Variants in PRKG1 observed in about 807,000 individuals in gnomAD.
The protein encoded by PRKG1 is cGMP-dependent protein kinase 1.
In PRKG1, 35 loss-of-function variants were observed where a neutral mutation model predicts 88.1. That is an observed-to-expected ratio of 0.40 (90% CI 0.30 to 0.53). PRKG1 has a LOEUF of 0.53. Ranked by LOEUF, PRKG1 falls within the 20% of genes least tolerant of loss-of-function variation. The pLI is 0.59. For missense variants in PRKG1, 540 were observed against 839.8 expected (o/e 0.64, Z 4.41); for synonymous variants, 303 against 292.5 (o/e 1.04, Z -0.37).
At chr10:52,263,108 T>A (rs556653683) in intron 10 of PRKG1, among the ~76,000 whole-genome samples, 1 of 152,100 alleles carries the variant, frequency 6.6e-6, no homozygotes, top group South Asian at 2.1e-4. Flanking sequence ...TGATCCTAAT[T>A]TTTTAAAAAA....
intron 3 of PRKG1, among the ~76,000 whole-genome samples, chr10:51,689,679 G>GT (rs1375658750): frequency 6.6e-6 from 1 of 152,188 alleles, no homozygotes; most frequent in Non-Finnish European, 1.5e-5. Context: ...TTTGTCTGTG[G>GT]TTTCCCAGGT....
At chr10:51,953,317 A>G (rs1843228243) in intron 5 of PRKG1, among the ~76,000 whole-genome samples, 1 of 152,226 alleles carries the variant, frequency 6.6e-6, no homozygotes, top group Non-Finnish European at 1.5e-5. Flanking sequence ...AGAAATGTCA[A>G]TGTAGAGGTA....
At chr10:51,661,924 G>A (rs971031402) in intron 3 of PRKG1, among the ~76,000 whole-genome samples, 7 of 152,162 alleles carry the variant, frequency 4.6e-5, no homozygotes, top group African/African-American at 1.4e-4. Context: ...CACATCCTTT[G>A]TAGGGACATG....
intron 3 of PRKG1, among the ~76,000 whole-genome samples, chr10:51,772,853 C>T (rs1838340619): frequency 6.6e-6 from 1 of 151,946 alleles, no homozygotes; most frequent in African/African-American, 2.4e-5. Flanking sequence ...CTAAAACTTC[C>T]TTTTCTCAGT....
intron 2 of PRKG1, among the ~76,000 whole-genome samples, chr10:51,286,539 A>G (rs1003960267): frequency 6.6e-6 from 1 of 152,132 alleles, no homozygotes; most frequent in South Asian, 2.1e-4. Context: ...TCTTAGCTGT[A>G]TGTTCACTCT....
In PRKG1 at chr10:51,500,769, G is replaced by A. The variant is rs139979865; in HGVS notation, c.592+32933G>A. ...GGTCCTGGAGGAGCTATCAATTAAG[G>A]TGTTGCCATCCCCAAAGGGTAGGCA... is the stretch of plus-strand genomic sequence containing the variant. On this transcript the variant is annotated intron_variant, in intron 3 of 17. Coordinates refer to ENST00000373980, the MANE Select transcript of PRKG1 (RefSeq NM_006258.4). 6.2e-3 allele frequency among the ~76,000 whole-genome samples: 942 copies of A among 152,194 alleles called. 9 individuals carry two copies. The highest frequency in any genetic ancestry group is 0.021 in the African/African-American group (879 of 41,528).
chr10:52,023,336 T>A (rs1845238856), intron 5 of PRKG1, among the ~76,000 whole-genome samples: 1 of 152,236 alleles, frequency 6.6e-6, no homozygotes, highest in South Asian at 2.1e-4. Context: ...TTGGGTTGGT[T>A]CCAAGTCTTT....
At chr10:52,210,000 C>A (rs934452689) in intron 9 of PRKG1, among the ~76,000 whole-genome samples, 5 of 152,118 alleles carry the variant, frequency 3.3e-5, no homozygotes, top group African/African-American at 1.2e-4. Context: ...TAATGCGGTA[C>A]CTTAAGATTC....
chr10:51,130,236 G>A (rs1446906443), intron 1 of PRKG1, among the ~76,000 whole-genome samples: 1 of 152,050 alleles, frequency 6.6e-6, no homozygotes, highest in Non-Finnish European at 1.5e-5. Context: ...TTAGAGAATG[G>A]CTTCCCTTTC....
At chr10:51,401,953 A>T (rs551029221) in intron 2 of PRKG1, among the ~76,000 whole-genome samples, 27 of 152,302 alleles carry the variant, frequency 1.8e-4, no homozygotes, top group African/African-American at 6.5e-4. Flanking sequence ...TTCCTCCTGC[A>T]AAAAATGCTG....
At chr10:51,310,392 G>A (rs1415164131) in intron 2 of PRKG1, among the ~76,000 whole-genome samples, 6 of 152,166 alleles carry the variant, frequency 3.9e-5, no homozygotes, top group African/African-American at 1.4e-4. Flanking sequence ...GGAGGATATA[G>A]ACATGAATAA....
intron 16 of PRKG1, among the ~76,000 whole-genome samples, chr10:52,289,784 T>C (rs1291185521): frequency 1.3e-5 from 2 of 152,148 alleles, no homozygotes; most frequent in African/African-American, 4.8e-5. Context: ...ATGACAATGA[T>C]GTGAAAAGGT....
chr10:51,996,654 T>C (rs1844451040), intron 5 of PRKG1, among the ~76,000 whole-genome samples: 1 of 152,080 alleles, frequency 6.6e-6, no homozygotes, highest in Non-Finnish European at 1.5e-5. Context: ...CAAAGATGCA[T>C]AGAAAAGGGA....
chr10:51,624,937 T>C (rs544180137), intron 3 of PRKG1, among the ~76,000 whole-genome samples: 6 of 152,340 alleles, frequency 3.9e-5, no homozygotes, highest in African/African-American at 1.4e-4. Flanking sequence ...GATTGGTTAA[T>C]GCATACAAAG....
At chr10:51,639,436 CAAAAAAAAAAAAAAAAAAAAAAAAAA>C (rs769304908) in intron 3 of PRKG1, among the ~76,000 whole-genome samples, 6 of 31,796 alleles carry the variant, frequency 1.9e-4, no homozygotes, top group African/African-American at 3.7e-4. Flanking sequence ...GACTCCATCT[CAAAAAAAAAAAAAAAAAAAAAAAAAA>C]AAAAAAAAAA....
At chr10:51,425,366 A>G (rs1443461259) in intron 2 of PRKG1, among the ~76,000 whole-genome samples, 1 of 152,178 alleles carries the variant, frequency 6.6e-6, no homozygotes, top group Non-Finnish European at 1.5e-5. Flanking sequence ...TGTAACTACC[A>G]CTATCTATTA....
intron 7 of PRKG1, 42 bp from the exon 8 acceptor site, chr10:52,133,798 A>G (rs1262353640): frequency 1.3e-6 from 2 of 1,532,594 alleles, no homozygotes; most frequent in South Asian, 2.3e-5. Flanking sequence ...GTGCTTTGAT[A>G]TTAAAGGTTA....
At chr10:51,929,804 G>A (rs775992479) in intron 5 of PRKG1, among the ~76,000 whole-genome samples, 3 of 152,046 alleles carry the variant, frequency 2.0e-5, no homozygotes, top group Non-Finnish European at 2.9e-5. Flanking sequence ...AAGATTTTTT[G>A]ACTTTTGTTA....
At chr10:52,104,736 A>C (rs1406203444) in intron 7 of PRKG1, among the ~76,000 whole-genome samples, 1 of 152,170 alleles carries the variant, frequency 6.6e-6, no homozygotes, top group African/African-American at 2.4e-5. Context: ...TTCTTTATGA[A>C]CTAAGACACA....
Sources: allele counts gnomAD v4.1 joint callset (sites outside exome capture counted in the v4.1 genomes callset), GRCh38; gene constraint gnomAD v4.1.1; transcripts MANE v1.5; gene names NCBI Gene and HGNC (gene_info 2026-07-23, HGNC 2026-07-21).